The following ARHGEF28 variants were observed in gnomAD, a reference collection of about 807,000 sequenced individuals.
The protein encoded by ARHGEF28 is 190 kDa guanine nucleotide exchange factor.
Under a neutral mutation model 206.6 loss-of-function variants are expected in ARHGEF28, and 152 were observed. The ratio of observed to expected loss-of-function variants is 0.74; its 90% CI spans 0.64 to 0.84. ARHGEF28 has a LOEUF of 0.84. Among genes scored for constraint, ARHGEF28 ranks in the 40% least tolerant of loss-of-function variants. ARHGEF28 has a pLI of 0.00. For synonymous variants in ARHGEF28, 763 were observed against 776.4 expected (o/e 0.98, Z 0.29); for missense variants, 2,028 against 2,073.2 (o/e 0.98, Z 0.42).
At chr5:73,687,019 T>A (rs1747518229) in intron 2 of ARHGEF28, among the ~76,000 whole-genome samples, 1 of 152,198 alleles carries the variant, frequency 6.6e-6, no homozygotes, top group African/African-American at 2.4e-5. Flanking sequence ...GCTCTTACAT[T>A]CACTGTGCTT....
intron 9 of ARHGEF28, among the ~76,000 whole-genome samples, chr5:73,821,315 A>AG (rs1022209099): frequency 7.9e-5 from 12 of 152,180 alleles, no homozygotes; most frequent in African/African-American, 2.9e-4. Context: ...ATAAAAAATA[A>AG]GGGAAAAAAC....
chr5:73,757,225 G>A (rs1378969796), intron 4 of ARHGEF28, among the ~76,000 whole-genome samples: 3 of 152,020 alleles, frequency 2.0e-5, no homozygotes, highest in Non-Finnish European at 1.5e-5. Flanking sequence ...CTGTGCCATC[G>A]GACCCACTGG....
In ARHGEF28 at chr5:73,891,835, A is replaced by C. The variant is rs6453031; in HGVS notation, c.3388-217A>C. Among the ~76,000 whole-genome samples, 31,942 of 152,030 alleles carry C rather than the reference A, an allele frequency of 0.21. 4,006 individuals carry two copies. Among genetic ancestry groups the C allele is most frequent in the African/African-American group, 0.35 (14,393 of 41,450 alleles). ...CCGTTGGGCCCGGCCTAAACCACCA[A>C]TTCTTAAGGATGAGCATGCCTATAA... On this transcript the variant is annotated intron_variant, in intron 26 of 35. Transcript: ENST00000513042.
At chr5:73,938,726 G>C (rs1284364855) in intron 35 of ARHGEF28, among the ~76,000 whole-genome samples, 1 of 152,150 alleles carries the variant, frequency 6.6e-6, no homozygotes, top group Non-Finnish European at 1.5e-5. Context: ...AAAAGGAATT[G>C]GAAGTGTGAC....
intron 11 of ARHGEF28, among the ~76,000 whole-genome samples, chr5:73,844,556 TA>T (rs1561450157): frequency 6.6e-6 from 1 of 151,772 alleles, no homozygotes; most frequent in African/African-American, 2.4e-5. Context: ...TTAAATAGCC[TA>T]TTTTTTTTTA....
At chr5:73,828,602 T>C (rs1333404107) in intron 9 of ARHGEF28, among the ~76,000 whole-genome samples, 4 of 148,618 alleles carry the variant, frequency 2.7e-5, no homozygotes, top group Non-Finnish European at 4.4e-5. Flanking sequence ...CCTTTTTCCT[T>C]TCTCCTTTCC....
rs200381893 is a variant in ARHGEF28, at chr5:73,904,421, T to C, written c.4161+16T>C. On this transcript the variant is annotated intron_variant, in intron 33 of 35. Transcript: ENST00000513042. ...CAGCCTTCAGGTAACTATCCTCCTCTAATCTTTGACCTTGTGAATGGTTCT... is the reference window on the plus strand; with the variant it reads ...CAGCCTTCAGGTAACTATCCTCCTCCAATCTTTGACCTTGTGAATGGTTCT... The C allele has an allele frequency of 7.2e-3, 11,574 of 1,600,782 alleles. 79 individuals carry two copies. The highest frequency in any genetic ancestry group is 0.021 in the Middle Eastern group (100 of 4,656).
chr5:73,734,060 ACCC>A (rs1750763494), intron 2 of ARHGEF28, among the ~76,000 whole-genome samples: 1 of 152,148 alleles, frequency 6.6e-6, no homozygotes, highest in Non-Finnish European at 1.5e-5. Flanking sequence ...TGAAGGAGCT[ACCC>A]CCATGATCCA....
chr5:73,883,840 C>CAA lies in ARHGEF28; in HGVS notation c.3014_3015dup (p.Tyr1006AsnfsTer29). The CAA allele has an allele frequency of 6.3e-7, 1 of 1,578,048 alleles. No individual in the cohort carries two copies. Among genetic ancestry groups the CAA allele is most frequent in the East Asian group, 2.3e-5 (1 of 43,382 alleles). On this transcript the variant is annotated frameshift_variant, in exon 24 of 36. Transcript: ENST00000513042. LOFTEE classifies it high-confidence loss of function. ...ATTCTGTTGGTCACTCAGCGTATTA[C>CAA]AAAATACCCTGTCTTGGTGGAAAGG...
chr5:73,714,017 A>T (rs1355280154), intron 2 of ARHGEF28, among the ~76,000 whole-genome samples: 1 of 152,202 alleles, frequency 6.6e-6, no homozygotes, highest in Non-Finnish European at 1.5e-5. Flanking sequence ...AATAAGAGGA[A>T]TGAGCTGGGT....
rs557644115 is a variant in ARHGEF28 at position 73,864,806 on chromosome 5, C to T, written c.2048-11C>T. The T allele has an allele frequency of 1.2e-6, 2 of 1,609,792 alleles. No homozygotes were observed. Among genetic ancestry groups the T allele is most frequent in the African/African-American group, 1.3e-5 (1 of 74,890 alleles). On this transcript the variant is annotated splice_polypyrimidine_tract_variant and intron_variant, in intron 16 of 35. Transcript: ENST00000513042. ...AGATGGATGCTTTTGTATCTTTTCCCTTTATTTCAGACTGTAATGCAAATG... is the reference window on the plus strand; with the variant it reads ...AGATGGATGCTTTTGTATCTTTTCCTTTTATTTCAGACTGTAATGCAAATG...
At chr5:73,912,418 T>G (rs1268141449) in intron 35 of ARHGEF28, among the ~76,000 whole-genome samples, 1 of 152,228 alleles carries the variant, frequency 6.6e-6, no homozygotes, top group African/African-American at 2.4e-5. Context: ...GATTTGTTTC[T>G]ATGCTTAATA....
chr5:73,934,071 T>A (rs1053553159), intron 35 of ARHGEF28, among the ~76,000 whole-genome samples: 4 of 152,202 alleles, frequency 2.6e-5, no homozygotes, highest in African/African-American at 9.6e-5. Context: ...GTCTGGGTTG[T>A]GTTTTTTGTT....
intron 1 of ARHGEF28, among the ~76,000 whole-genome samples, chr5:73,666,030 G>A (rs1348028799): frequency 6.6e-6 from 1 of 152,152 alleles, no homozygotes; most frequent in Non-Finnish European, 1.5e-5. Context: ...CCTGAGGCAA[G>A]TTCCTTCCAG....
chr5:73,787,610 C>T (rs780594707), intron 7 of ARHGEF28, among the ~76,000 whole-genome samples: 14 of 152,210 alleles, frequency 9.2e-5, no homozygotes, highest in South Asian at 2.1e-4. Context: ...CTCCCACTTA[C>T]GAGTGAGAAC....
intron 6 of ARHGEF28, among the ~76,000 whole-genome samples, chr5:73,779,948 G>T (rs1225558504): frequency 1.3e-5 from 2 of 152,218 alleles, no homozygotes; most frequent in Non-Finnish European, 2.9e-5. Flanking sequence ...CGCCCAAGGG[G>T]ATAAGGGACC....
intron 1 of ARHGEF28, among the ~76,000 whole-genome samples, chr5:73,681,292 A>G (rs1747084026): frequency 6.6e-6 from 1 of 152,184 alleles, no homozygotes; most frequent in Non-Finnish European, 1.5e-5. Flanking sequence ...GGATCATAGT[A>G]TATGCTAGTG....
At chr5:73,840,414 A>G in intron 10 of ARHGEF28, 66 bp from the exon 11 acceptor site, 1 of 1,510,916 alleles carries the variant, frequency 6.6e-7, no homozygotes, top group Non-Finnish European at 9.0e-7. Flanking sequence ...GGAAAATTTT[A>G]TTAATTCTTA....
At chr5:73,908,000 T>C (rs1762644977) in intron 33 of ARHGEF28, among the ~76,000 whole-genome samples, 1 of 152,210 alleles carries the variant, frequency 6.6e-6, no homozygotes, top group Non-Finnish European at 1.5e-5. Flanking sequence ...TGGTGATGTA[T>C]AGTCTACAAT....
Sources: gnomAD v4.1 joint callset for allele counts (sites outside exome capture counted in the v4.1 genomes callset) on GRCh38, gnomAD v4.1.1 for gene constraint, MANE v1.5 for transcripts, NCBI Gene and HGNC (gene_info 2026-07-23, HGNC 2026-07-21) for gene names.